Variants in ZNF69 observed in about 807,000 individuals in gnomAD.
ZNF69 encodes the protein zinc finger protein 69, also known as ZNF3.
In ZNF69, 47 loss-of-function variants were observed where a neutral mutation model predicts 50.9. The ratio of observed to expected loss-of-function variants is 0.92; its 90% CI spans 0.73 to 1.18. The LOEUF (loss-of-function observed/expected upper bound fraction) is 1.18, where lower values mean the gene tolerates loss of function less well. Ranked by LOEUF, ZNF69 falls within the 50% of genes most tolerant of loss-of-function variation. ZNF69 has a pLI of 0.00. For missense variants in ZNF69, 717 were observed against 675.1 expected, an observed-to-expected ratio of 1.06 and a Z score of -0.69; for synonymous variants, 216 against 223.1, an observed-to-expected ratio of 0.97 and a Z score of 0.29.
the ZNF69 span, chr19:11,979,390 T>G: frequency 6.2e-7 from 1 of 1,611,366 alleles, no homozygotes; most frequent in Admixed American, 1.7e-5. Flanking sequence ...CCTTCAGATC[T>G]GCCTCACACC....
At chr19:11,918,472 C>T (rs986550619), downstream of ZNF69, among the ~76,000 whole-genome samples, 1 of 152,054 alleles carries the variant, frequency 6.6e-6, no homozygotes, top group Non-Finnish European at 1.5e-5. Flanking sequence ...TTGTAGTTAT[C>T]TCTCTTTTTC....
the ZNF69 span, among the ~76,000 whole-genome samples, chr19:11,936,244 A>G: frequency 1.7e-4 from 26 of 152,288 alleles, no homozygotes; most frequent in East Asian, 5.0e-3. Flanking sequence ...CTAGTTCTAG[A>G]TCCTTGAGGA....
chr19:11,924,534 A>C, the ZNF69 span, among the ~76,000 whole-genome samples: 1 of 152,194 alleles, frequency 6.6e-6, no homozygotes, highest in Non-Finnish European at 1.5e-5. Flanking sequence ...TAAAGGGTTC[A>C]TGAAGTTGAC....
the ZNF69 span, among the ~76,000 whole-genome samples, chr19:11,952,158 A>G: frequency 4.5e-4 from 69 of 151,896 alleles, no homozygotes; most frequent in African/African-American, 1.6e-3. Flanking sequence ...CTGCATGGGC[A>G]ACAAGAGTGA....
intron 1 of ZNF69, among the ~76,000 whole-genome samples, chr19:11,895,799 A>G (rs1463417315): frequency 4.6e-5 from 7 of 152,248 alleles, no homozygotes. Context: ...TTGTATGTGG[A>G]GATGATGGGT....
At chr19:11,965,645 G>A in the ZNF69 span, among the ~76,000 whole-genome samples, 4 of 152,190 alleles carry the variant, frequency 2.6e-5, no homozygotes, top group East Asian at 7.7e-4. Context: ...GTTCATTTGA[G>A]CAAACAGCAA....
chr19:11,950,118 C>T, the ZNF69 span: 4 of 1,614,096 alleles, frequency 2.5e-6, no homozygotes, highest in African/African-American at 2.7e-5. Context: ...CAAGAACACA[C>T]ATTGGAGAGA....
At chr19:11,931,928 G>A in the ZNF69 span, among the ~76,000 whole-genome samples, 186 of 147,760 alleles carry the variant, frequency 1.3e-3, 27 homozygotes, top group African/African-American at 4.5e-3. Flanking sequence ...TCACCCTGAC[G>A]AGCATGGAGA....
chr19:11,945,625 G>A, the ZNF69 span, among the ~76,000 whole-genome samples: 4 of 152,208 alleles, frequency 2.6e-5, no homozygotes, highest in East Asian at 7.7e-4. Flanking sequence ...AGCCCTGGAG[G>A]GTTGTCTTCT....
the ZNF69 span, chr19:11,946,925 C>T: frequency 9.9e-5 from 58 of 586,108 alleles, no homozygotes; most frequent in South Asian, 2.0e-4. Flanking sequence ...GCTTGAACCC[C>T]GGTGGTGAGC....
chr19:11,925,564 C>G, the ZNF69 span, among the ~76,000 whole-genome samples: 16 of 152,294 alleles, frequency 1.1e-4, no homozygotes, highest in African/African-American at 3.8e-4. Flanking sequence ...CCAGATTGTG[C>G]GGAAGCAACG....
chr19:11,938,289 G>C, the ZNF69 span, among the ~76,000 whole-genome samples: 1 of 151,970 alleles, frequency 6.6e-6, no homozygotes, highest in Non-Finnish European at 1.5e-5. Context: ...CAATGTGCAG[G>C]TTTGTTACAC....
chr19:11,965,205 G>A, the ZNF69 span: 1 of 1,614,120 alleles, frequency 6.2e-7, no homozygotes, highest in Non-Finnish European at 8.5e-7. Flanking sequence ...CTGAAAGCCA[G>A]GAAATGGTGC....
the ZNF69 span, among the ~76,000 whole-genome samples, chr19:11,966,698 G>T: frequency 1.3e-5 from 2 of 152,130 alleles, no homozygotes; most frequent in East Asian, 1.9e-4. Flanking sequence ...TAAGTTTGCA[G>T]GTTGAAGACT....
the ZNF69 span, among the ~76,000 whole-genome samples, chr19:11,963,088 A>AGAGAGAGAGAGAGAGAGT: frequency 1.9e-3 from 260 of 138,304 alleles, 1 homozygote; most frequent in African/African-American, 7.6e-3. Flanking sequence ...AGAGAGAGAG[A>AGAGAGAGAGAGAGAGAGT]GTGTGTGTGT....
the ZNF69 span, among the ~76,000 whole-genome samples, chr19:11,955,389 T>C: frequency 1.3e-5 from 2 of 148,180 alleles, no homozygotes; most frequent in Non-Finnish European, 2.9e-5. Flanking sequence ...TTTCTTTTTC[T>C]TTCTTTCTTT....
chr19:11,906,169 T>G lies in ZNF69; in HGVS notation c.*71T>G, dbSNP rs1972370953. ...ACACACAATCAAGAGAAACCATGAATGTAAAGAATGTGGGAAACCCTTCAG... is the reference window on the plus strand; with the variant it reads ...ACACACAATCAAGAGAAACCATGAAGGTAAAGAATGTGGGAAACCCTTCAG... On this transcript the variant is annotated 3_prime_UTR_variant, in exon 4 of 4. Transcript: ENST00000429654. 6.4e-7 allele frequency: 1 copy of G among 1,567,938 alleles called. No homozygotes were observed.
the ZNF69 span, chr19:11,947,418 T>G: frequency 3.1e-6 from 5 of 1,602,026 alleles, no homozygotes; most frequent in Non-Finnish European, 3.4e-6. Flanking sequence ...GATGAATAAA[T>G]GAGGCATGGC....
At chr19:11,975,788 T>G in the ZNF69 span, among the ~76,000 whole-genome samples, 1 of 152,138 alleles carries the variant, frequency 6.6e-6, no homozygotes, top group African/African-American at 2.4e-5. Context: ...GTGGCTGCAC[T>G]GCTCATTACT....
Sources: allele counts gnomAD v4.1 joint callset (sites outside exome capture counted in the v4.1 genomes callset), GRCh38; gene constraint gnomAD v4.1.1; transcripts MANE v1.5; gene names NCBI Gene and HGNC (gene_info 2026-07-23, HGNC 2026-07-21).